The following TRAF3IP1 variants were observed in gnomAD, a reference collection of about 807,000 sequenced individuals.
TRAF3IP1 encodes intraflagellar transport 54.
TRAF3IP1 carries 53 observed loss-of-function variants against 89.9 expected under a neutral mutation model. That is an observed-to-expected ratio of 0.59 (90% CI 0.47 to 0.74). TRAF3IP1 has a LOEUF of 0.74. TRAF3IP1 is among the 30% of genes least tolerant of loss of function. The pLI, the probability that TRAF3IP1 is intolerant of heterozygous loss-of-function variation, is 0.00. For missense variants in TRAF3IP1, 806 were observed against 866.1 expected, an observed-to-expected ratio of 0.93 and a Z score of 0.87; for synonymous variants, 311 against 322.1, an observed-to-expected ratio of 0.97 and a Z score of 0.37.
At chr2:238,391,258 T>C (rs2106377898) in intron 15 of TRAF3IP1, among the ~76,000 whole-genome samples, 1 of 152,314 alleles carries the variant, frequency 6.6e-6, no homozygotes, top group South Asian at 2.1e-4. Context: ...CACCCAGCCA[T>C]GACAGATTTT....
intron 15 of TRAF3IP1, among the ~76,000 whole-genome samples, chr2:238,358,112 CAT>C (rs765134460): frequency 7.2e-6 from 1 of 138,344 alleles, no homozygotes; most frequent in Admixed American, 7.2e-5. Context: ...ATTTTTGTTA[CAT>C]TTTTTTTTTT....
chr2:238,383,756 C>T (rs1443026536), intron 15 of TRAF3IP1, among the ~76,000 whole-genome samples: 1 of 152,140 alleles, frequency 6.6e-6, no homozygotes, highest in Non-Finnish European at 1.5e-5. Flanking sequence ...GGAGCTAAAC[C>T]CGTTTTATTA....
intron 15 of TRAF3IP1, among the ~76,000 whole-genome samples, chr2:238,366,627 T>C (rs1240853016): frequency 2.0e-5 from 3 of 152,198 alleles, no homozygotes; most frequent in African/African-American, 7.2e-5. Flanking sequence ...GAAATTCATA[T>C]TATGTCCTCG....
intron 14 of TRAF3IP1, among the ~76,000 whole-genome samples, chr2:238,355,220 TCTCTACCCTCTACTCTCCCTGTCTC>T (rs1359833081): frequency 2.8e-4 from 42 of 152,206 alleles, no homozygotes; most frequent in South Asian, 1.2e-3. Context: ...TGACCCGTCT[TCTCTACCCTCTACTCTCCCTGTCTC>T]CTCTACCCTC....
chr2:238,350,648 C>G (rs1699108217), intron 12 of TRAF3IP1, among the ~76,000 whole-genome samples: 1 of 152,106 alleles, frequency 6.6e-6, no homozygotes, highest in African/African-American at 2.4e-5. Context: ...TGCTGAACCT[C>G]CTACAATGCA....
intron 2 of TRAF3IP1, 58 bp from the exon 3 acceptor site, chr2:238,325,751 G>A: frequency 6.6e-7 from 1 of 1,511,258 alleles, no homozygotes; most frequent in Non-Finnish European, 9.1e-7. Flanking sequence ...ACATACAGAA[G>A]ATAATGCACA....
At chr2:238,388,679 C>T (rs1349218223) in intron 15 of TRAF3IP1, among the ~76,000 whole-genome samples, 1 of 144,402 alleles carries the variant, frequency 6.9e-6, no homozygotes, top group Non-Finnish European at 1.5e-5. Context: ...CTCACTACAT[C>T]CTCGACCTCC....
chr2:238,345,262 G>T lies in TRAF3IP1; in HGVS notation c.1261+664G>T, dbSNP rs959449613. Among the ~76,000 whole-genome samples the T allele has an allele frequency of 6.6e-6, 1 of 152,218 alleles. No individual in the cohort carries two copies. The highest frequency in any genetic ancestry group is 2.4e-5 in the African/African-American group (1 of 41,456). On this transcript the variant is annotated intron_variant, in intron 9 of 16. Transcript: ENST00000373327. This position sits in a 1 kb window ranked among gnomAD's most constrained non-coding sequence, Gnocchi z 4.7. ...CTGCATGTCAGCCCTGAGGCTGGGA[G>T]CGCATGAGCCAGTGAAGTCAGGCTG... is the stretch of plus-strand genomic sequence containing the variant.
chr2:238,323,770 A>G (rs1697677253), intron 1 of TRAF3IP1, among the ~76,000 whole-genome samples: 1 of 152,234 alleles, frequency 6.6e-6, no homozygotes. Context: ...GTTGCTACAA[A>G]TTGTATTGAT....
rs68068974 is a variant in TRAF3IP1, at chr2:238,333,817, T to C, written c.988-143T>C. On this transcript the variant is annotated intron_variant, in intron 6 of 16. Coordinates refer to ENST00000373327, the MANE Select transcript of TRAF3IP1 (RefSeq NM_015650.4). Reference sequence around the variant, plus strand: ...ACAGTCTCAGGTCTTGAGTCCTTAGTAGTATTGAGTTTTTAAAGCATATGG... The same window carrying C: ...ACAGTCTCAGGTCTTGAGTCCTTAGCAGTATTGAGTTTTTAAAGCATATGG... 0.076 allele frequency: 49,763 copies of C among 654,920 alleles called. 3,395 individuals carry two copies. The highest frequency in any genetic ancestry group is 0.27 in the African/African-American group (14,641 of 54,542). The allele number at this position is 654,920 out of a possible 1,614,324, so 40.6% of individuals were successfully genotyped here.
At chr2:238,347,188 T>A in intron 9 of TRAF3IP1, 1 of 415,846 alleles carries the variant, frequency 2.4e-6, no homozygotes, top group Non-Finnish European at 4.3e-6. Context: ...TCCTCTCCGA[T>A]GTGCTTTCTC....
chr2:238,372,546 G>C (rs1361656657), intron 15 of TRAF3IP1, among the ~76,000 whole-genome samples: 1 of 152,162 alleles, frequency 6.6e-6, no homozygotes, highest in Non-Finnish European at 1.5e-5. Context: ...GGACATTTGG[G>C]TTGGTTCCAA....
chr2:238,355,104 A>G (rs1699351016), intron 14 of TRAF3IP1, among the ~76,000 whole-genome samples: 2 of 152,164 alleles, frequency 1.3e-5, no homozygotes, highest in Admixed American at 6.5e-5. Flanking sequence ...TTCATTTTGC[A>G]TTCAACCTTT....
At chr2:238,322,687 CAAAAAAAAAA>C (rs71043130) in intron 1 of TRAF3IP1, among the ~76,000 whole-genome samples, 8 of 43,600 alleles carry the variant, frequency 1.8e-4, no homozygotes, top group Admixed American at 1.1e-3. Context: ...GACCCTGTCT[CAAAAAAAAAA>C]AAAAAAAAAA....
intron 15 of TRAF3IP1, among the ~76,000 whole-genome samples, chr2:238,389,690 A>G (rs1193999708): frequency 3.3e-5 from 5 of 151,324 alleles, no homozygotes; most frequent in Non-Finnish European, 7.4e-5. Flanking sequence ...GGAGGTTGCA[A>G]TGAGCTGAGA....
chr2:238,386,511 C>T (rs1206615226), intron 15 of TRAF3IP1, among the ~76,000 whole-genome samples: 2 of 152,076 alleles, frequency 1.3e-5, no homozygotes, highest in East Asian at 1.9e-4. Context: ...CGGGGTTTCA[C>T]CATGTTGACC....
chr2:238,335,244 T>G (rs1391003949), intron 7 of TRAF3IP1, among the ~76,000 whole-genome samples: 1 of 151,984 alleles, frequency 6.6e-6, no homozygotes, highest in African/African-American at 2.4e-5. Context: ...GAGGTGAAGA[T>G]TTGTGCTTTA....
chr2:238,370,303 G>A (rs1160736993), intron 15 of TRAF3IP1, among the ~76,000 whole-genome samples: 1 of 151,996 alleles, frequency 6.6e-6, no homozygotes, highest in Non-Finnish European at 1.5e-5. Flanking sequence ...ATGTGTGTAT[G>A]TTTATGTCTG....
rs1699180709 is a variant in TRAF3IP1, at chr2:238,351,866, T to TGCGTGTGTGTGCGC, written c.1452-958_1452-957insTGTGTGTGCGCGCG. Among the ~76,000 whole-genome samples, 1 of 128,194 alleles carries TGCGTGTGTGTGCGC rather than the reference T, an allele frequency of 7.8e-6. No individual in the cohort carries two copies. Among genetic ancestry groups the TGCGTGTGTGTGCGC allele is most frequent in the Non-Finnish European group, 1.6e-5 (1 of 62,258 alleles). The allele number at this position is 128,194 out of a possible 152,430, so 84.1% of individuals were successfully genotyped here. A position where few individuals can be genotyped will look rare whatever the true frequency, so the allele number is the denominator to read the frequency against. Reference sequence around the variant, plus strand: ...GTGTGTGTGTGTGTGTGTGTGTGTGTGCGCGCGCGCGCGTGTGCGTGCATG... The same window carrying TGCGTGTGTGTGCGC: ...GTGTGTGTGTGTGTGTGTGTGTGTGTGCGTGTGTGTGCGCGCGCGCGCGCGCGTGTGCGTGCATG... On this transcript the variant is annotated intron_variant, in intron 12 of 16. Coordinates refer to ENST00000373327, the MANE Select transcript of TRAF3IP1 (RefSeq NM_015650.4). This position sits in a 1 kb window ranked among gnomAD's most constrained non-coding sequence, Gnocchi z 5.2.
Sources: gnomAD v4.1 joint callset for allele counts (sites outside exome capture counted in the v4.1 genomes callset) on GRCh38, gnomAD v4.1.1 for gene constraint, Gnocchi (gnomAD v3.1) non-coding constraint, MANE v1.5 for transcripts, NCBI Gene and HGNC (gene_info 2026-07-23, HGNC 2026-07-21) for gene names.